Variants in CNTNAP4 observed in about 807,000 individuals in gnomAD.
CNTNAP4 encodes contactin-associated protein-like 4.
CNTNAP4 carries 98 observed loss-of-function variants against 148.4 expected under a neutral mutation model. The ratio of observed to expected loss-of-function variants is 0.66; its 90% CI spans 0.56 to 0.78. The LOEUF (loss-of-function observed/expected upper bound fraction) is 0.78. Ranked by LOEUF, CNTNAP4 falls within the 30% of genes least tolerant of loss-of-function variation. The probability of loss-of-function intolerance (pLI) is 0.00; values close to 1 mark genes in which losing one functional copy is unlikely to be tolerated. For missense variants in CNTNAP4, 1,935 were observed against 1,565.6 expected (o/e 1.24, Z -3.98); for synonymous variants, 730 against 565.1 (o/e 1.29, Z -4.14).
chr16:76,538,269 G>A lies in CNTNAP4; in HGVS notation c.3149G>A (p.Arg1050Gln), dbSNP rs771102336. 1.9e-5 allele frequency: 31 copies of A among 1,610,362 alleles called. No individual in the cohort carries two copies. The highest frequency in any genetic ancestry group is 1.6e-4 in the Middle Eastern group (1 of 6,072). ...EMIKFSFRTTRTPSLLLFVSS... is the reference protein window; with the variant it reads ...EMIKFSFRTTQTPSLLLFVSS... ...ATCAAATTTAGTTTCCGAACAACAC[G>A]AACACCAAGCTTGCTGCTTTTTGTG... is the stretch of plus-strand genomic sequence containing the variant. The change falls in exon 19 of 24, where the codon CGA becomes CAA. Residue 1050 changes from arginine (R) to glutamine (Q), a missense_variant. Coordinates refer to ENST00000611870, the MANE Select transcript of CNTNAP4 (RefSeq NM_033401.5).
At chr16:76,369,781 G>T (rs1236954164) in intron 3 of CNTNAP4, among the ~76,000 whole-genome samples, 1 of 152,200 alleles carries the variant, frequency 6.6e-6, no homozygotes, top group Non-Finnish European at 1.5e-5. Context: ...AGCAGATGTT[G>T]CAGTGAGCTG....
intron 12 of CNTNAP4, 67 bp downstream of exon 12, chr16:76,479,605 T>C: frequency 6.6e-7 from 1 of 1,514,282 alleles, no homozygotes; most frequent in Non-Finnish European, 8.9e-7. Context: ...AAAATTAAAA[T>C]GAAATAAGCA....
intron 3 of CNTNAP4, among the ~76,000 whole-genome samples, chr16:76,407,999 G>T (rs1406792816): frequency 6.6e-6 from 1 of 151,868 alleles, no homozygotes; most frequent in African/African-American, 2.4e-5. Flanking sequence ...TCAATATCGA[G>T]GCAAGAACCT....
At chr16:76,549,279 C>G (rs2084864466) in intron 21 of CNTNAP4, among the ~76,000 whole-genome samples, 1 of 152,140 alleles carries the variant, frequency 6.6e-6, no homozygotes, top group African/African-American at 2.4e-5. Context: ...TTCTCTGTTT[C>G]TCAAGGTGCT....
chr16:76,288,317 A>T (rs934686114), intron 1 of CNTNAP4, among the ~76,000 whole-genome samples: 2 of 152,006 alleles, frequency 1.3e-5, no homozygotes, highest in Non-Finnish European at 1.5e-5. Flanking sequence ...TTTCTTTGTA[A>T]ATTACTCAGT....
chr16:76,351,100 G>T (rs949784395), intron 2 of CNTNAP4, among the ~76,000 whole-genome samples: 2 of 152,052 alleles, frequency 1.3e-5, no homozygotes, highest in African/African-American at 4.8e-5. Flanking sequence ...GAATATATTG[G>T]CATACTAAAA....
chr16:76,448,986 A>T lies in CNTNAP4; in HGVS notation c.927+35A>T, dbSNP rs375502420. On this transcript the variant is annotated intron_variant, in intron 6 of 23. Transcript: ENST00000611870. Reference sequence around the variant, plus strand: ...TTATGTTTCAATTAATGCTGATTTTATTATGTATATGTGGTTTAATCTCCC... The same window carrying T: ...TTATGTTTCAATTAATGCTGATTTTTTTATGTATATGTGGTTTAATCTCCC... 1.3e-5 allele frequency: 20 copies of T among 1,573,740 alleles called. No homozygotes were observed. In the African/African-American group the frequency reaches 2.7e-4, roughly 21 times the overall value.
At chr16:76,442,480 G>T (rs1337430112) in intron 4 of CNTNAP4, among the ~76,000 whole-genome samples, 2 of 152,052 alleles carry the variant, frequency 1.3e-5, no homozygotes, top group African/African-American at 4.8e-5. Context: ...AAAAATAGAG[G>T]TTTATTTAGC....
intron 17 of CNTNAP4, among the ~76,000 whole-genome samples, chr16:76,524,914 A>G (rs1248240871): frequency 6.6e-6 from 1 of 152,098 alleles, no homozygotes; most frequent in African/African-American, 2.4e-5. Flanking sequence ...CTCACAGATA[A>G]CTGTGAGCAA....
intron 3 of CNTNAP4, among the ~76,000 whole-genome samples, chr16:76,410,499 T>C (rs1445129462): frequency 6.6e-6 from 1 of 151,736 alleles, no homozygotes; most frequent in East Asian, 1.9e-4. Flanking sequence ...CAAAAGGTAA[T>C]GCAAGTGGGC....
At position 76,494,814 on chromosome 16, in the gene CNTNAP4, A is replaced by G. The variant is rs2082343542; in HGVS notation, c.2081-96A>G. 6.3e-6 allele frequency: 8 copies of G among 1,273,120 alleles called. No homozygotes were observed. In the Admixed American group the frequency reaches 1.8e-4, roughly 28 times the overall value. The allele number at this position is 1,273,120 out of a possible 1,614,324, so 78.9% of individuals were successfully genotyped here. ...TCAATCTTTCTCCTTTTCTCCTTTT[A>G]TTCTTTTTAATGATTTTGGAAGAAA... On this transcript the variant is annotated intron_variant, in intron 13 of 23. Coordinates refer to ENST00000611870, the MANE Select transcript of CNTNAP4 (RefSeq NM_033401.5).
chr16:76,372,649 T>C (rs1255106462), intron 3 of CNTNAP4, among the ~76,000 whole-genome samples: 1 of 152,166 alleles, frequency 6.6e-6, no homozygotes, highest in Non-Finnish European at 1.5e-5. Flanking sequence ...TCTGCCACCA[T>C]GTAAGACATG....
chr16:76,485,328 GCTGGTCTCGAACTCCCGAC>G (rs1408061116), intron 12 of CNTNAP4, among the ~76,000 whole-genome samples: 1 of 151,802 alleles, frequency 6.6e-6, no homozygotes, highest in African/African-American at 2.4e-5. Context: ...TGTTGGTCAG[GCTGGTCTCGAACTCCCGAC>G]CTTAGGTGAT....
chr16:76,537,287 C>T (rs2084252224), intron 18 of CNTNAP4, among the ~76,000 whole-genome samples: 1 of 152,110 alleles, frequency 6.6e-6, no homozygotes, highest in South Asian at 2.1e-4. Flanking sequence ...TCTAAGATGT[C>T]AAGGGAGCCT....
At chr16:76,295,299 G>C (rs1959208514) in intron 1 of CNTNAP4, among the ~76,000 whole-genome samples, 1 of 152,160 alleles carries the variant, frequency 6.6e-6, no homozygotes, top group East Asian at 1.9e-4. Flanking sequence ...TAGTGCAGAA[G>C]GACAAAAATG....
chr16:76,387,050 CA>C (rs5817991), intron 3 of CNTNAP4, among the ~76,000 whole-genome samples: 97,504 of 151,906 alleles, frequency 0.64, 31,921 homozygotes, highest in East Asian at 0.88. Flanking sequence ...ATAAAGCCTC[CA>C]AAAAAAGCAT....
At chr16:76,552,990 A>G (rs1471673705) in intron 21 of CNTNAP4, among the ~76,000 whole-genome samples, 6 of 152,338 alleles carry the variant, frequency 3.9e-5, no homozygotes, top group Non-Finnish European at 7.3e-5. Context: ...AATTAAAAGT[A>G]TCATGACACC....
chr16:76,327,259 A>C (rs1963082484), intron 2 of CNTNAP4, among the ~76,000 whole-genome samples: 1 of 152,098 alleles, frequency 6.6e-6, no homozygotes, highest in South Asian at 2.1e-4. Flanking sequence ...TTAGGTCCAT[A>C]CGCTCCCAAT....
chr16:76,517,078 T>C (rs1212695918), intron 15 of CNTNAP4, among the ~76,000 whole-genome samples: 2 of 152,020 alleles, frequency 1.3e-5, no homozygotes, highest in Non-Finnish European at 2.9e-5. Flanking sequence ...AATGAGTAAT[T>C]CTGATTTTTT....
Sources: gnomAD v4.1 joint callset for allele counts (sites outside exome capture counted in the v4.1 genomes callset) on GRCh38, gnomAD v4.1.1 for gene constraint, MANE v1.5 for transcripts, NCBI Gene and HGNC (gene_info 2026-07-23, HGNC 2026-07-21) for gene names.